The following PDE9A variants were observed in gnomAD, a reference collection of about 807,000 sequenced individuals.
PDE9A encodes high affinity cGMP-specific 3',5'-cyclic phosphodiesterase 9A.
PDE9A carries 60 observed loss-of-function variants against 87.4 expected under a neutral mutation model. That is an observed-to-expected ratio of 0.69 (90% CI 0.56 to 0.85). PDE9A has a LOEUF of 0.85. Among genes scored for constraint, PDE9A ranks in the 40% least tolerant of loss-of-function variants. The probability of loss-of-function intolerance (pLI) is 0.00; values close to 1 mark genes in which losing one functional copy is unlikely to be tolerated. For missense variants in PDE9A, 665 were observed against 779.0 expected, an observed-to-expected ratio of 0.85 and a Z score of 1.74; for synonymous variants, 272 against 279.4, an observed-to-expected ratio of 0.97 and a Z score of 0.27.
chr21:42,761,308 C>T (rs966975270), intron 13 of PDE9A, among the ~76,000 whole-genome samples: 3 of 152,232 alleles, frequency 2.0e-5, no homozygotes, highest in African/African-American at 4.8e-5. Context: ...AGCTGGCTTC[C>T]GCAGGGAAAG....
At chr21:42,754,965 C>T (rs897839177) in intron 10 of PDE9A, among the ~76,000 whole-genome samples, 5 of 151,820 alleles carry the variant, frequency 3.3e-5, no homozygotes, top group South Asian at 2.1e-4. Flanking sequence ...AAGACCTCGT[C>T]GCTACAAAAA....
At chr21:42,769,557 GGCA>G (rs2056783773) in intron 17 of PDE9A, among the ~76,000 whole-genome samples, 22 of 78,604 alleles carry the variant, frequency 2.8e-4, no homozygotes, top group Admixed American at 2.2e-3. Context: ...TGCACACACA[GGCA>G]CACACACACA....
chr21:42,685,743 C>G (rs143413453), intron 1 of PDE9A, among the ~76,000 whole-genome samples: 2 of 152,316 alleles, frequency 1.3e-5, no homozygotes, highest in East Asian at 3.9e-4. Flanking sequence ...GCTGGGATTA[C>G]AGGCGTGAGC....
intron 8 of PDE9A, among the ~76,000 whole-genome samples, chr21:42,747,024 C>T (rs768106295): frequency 1.1e-4 from 16 of 152,150 alleles, no homozygotes; most frequent in Non-Finnish European, 2.2e-4. Context: ...CAAGCGTTGT[C>T]GACACATTGA....
intron 7 of PDE9A, among the ~76,000 whole-genome samples, chr21:42,743,447 G>A (rs2053516478): frequency 6.6e-6 from 1 of 152,230 alleles, no homozygotes; most frequent in Non-Finnish European, 1.5e-5. Context: ...CTGGTGCTTA[G>A]GGGTATGGAG....
intron 1 of PDE9A, among the ~76,000 whole-genome samples, chr21:42,672,056 A>G (rs1454664084): frequency 6.6e-6 from 1 of 152,266 alleles, no homozygotes; most frequent in Non-Finnish European, 1.5e-5. Flanking sequence ...AATGATTCAC[A>G]GTCTAGGATA....
intron 1 of PDE9A, among the ~76,000 whole-genome samples, chr21:42,658,878 G>A (rs2057286020): frequency 6.6e-6 from 1 of 152,236 alleles, no homozygotes; most frequent in Admixed American, 6.5e-5. Flanking sequence ...GGGGTTTCCA[G>A]TGTATGAATG....
At position 42,759,529 on chromosome 21, in the gene PDE9A, CGTGT is replaced by C. The variant is rs147103168; in HGVS notation, c.897+454_897+457del. On this transcript the variant is annotated intron_variant, in intron 11 of 19. Coordinates refer to ENST00000291539, the MANE Select transcript of PDE9A (RefSeq NM_002606.3). This position sits in a 1 kb window ranked among gnomAD's most constrained non-coding sequence, Gnocchi z 7.2. Reference sequence around the variant, plus strand: ...GTGTGTGGATGTAAATGTGTGGGAGCGTGTGTGTGTGTGAGTGTGGGGTGTGGGT... The same window carrying C: ...GTGTGTGGATGTAAATGTGTGGGAGCGTGTGTGTGAGTGTGGGGTGTGGGT... 3.2e-3 allele frequency among the ~76,000 whole-genome samples: 434 copies of C among 134,138 alleles called. 12 individuals carry two copies. In the East Asian group the frequency reaches 0.086, roughly 27 times the overall value. The allele number at this position is 134,138 out of a possible 152,430, so 88.0% of individuals were successfully genotyped here.
chr21:42,733,640 G>A, intron 7 of PDE9A: 1 of 564,410 alleles, frequency 1.8e-6, no homozygotes, highest in South Asian at 2.3e-5. Flanking sequence ...CACAGCTCAT[G>A]GTATAAAGCA....
chr21:42,712,068 CA>C (rs60923158), intron 4 of PDE9A, among the ~76,000 whole-genome samples: 10,159 of 147,012 alleles, frequency 0.069, 999 homozygotes, highest in African/African-American at 0.22. Flanking sequence ...TTGTCAATTT[CA>C]AAAAAAAAAG....
chr21:42,774,763 T>C (rs1456169849), intron 19 of PDE9A, among the ~76,000 whole-genome samples: 1 of 149,128 alleles, frequency 6.7e-6, no homozygotes, highest in Non-Finnish European at 1.5e-5. Context: ...GCACCTGTAA[T>C]CCCAGCTACT....
At position 42,732,124 on chromosome 21, in the gene PDE9A, G is replaced by A; in HGVS notation, c.497G>A (p.Arg166Lys). 6.2e-7 allele frequency: 1 copy of A among 1,613,708 alleles called. No homozygotes were observed. Among genetic ancestry groups the A allele is most frequent in the Non-Finnish European group, 8.5e-7 (1 of 1,179,628 alleles). Residue 166 changes from arginine (R) to lysine (K), a missense_variant and splice_region_variant, in exon 6 of 20, where the codon AGA becomes AAA. Physicochemically the swap from Arg to Lys is conservative, Grantham distance 26. Transcript: ENST00000291539. ...VLAQVAEQFS[R>K]AFKINELKAE... is the part of the protein sequence containing the mutation. Reference sequence around the variant, plus strand: ...GCGCAGGTTGCAGAGCAGTTCTCAAGGTACAGAGTCTTCTAAACTTACAAC... The same window carrying A: ...GCGCAGGTTGCAGAGCAGTTCTCAAAGTACAGAGTCTTCTAAACTTACAAC...
At chr21:42,743,719 G>A (rs2053548573) in intron 7 of PDE9A, 57 bp from the exon 8 acceptor site, 3 of 1,132,668 alleles carry the variant, frequency 2.6e-6, no homozygotes, top group Admixed American at 4.0e-5. Flanking sequence ...CCAGCCTTGA[G>A]AGATCCTCCA....
intron 4 of PDE9A, among the ~76,000 whole-genome samples, chr21:42,715,188 C>CTTTTTTTTTTTT (rs369972172): frequency 9.6e-6 from 1 of 104,684 alleles, no homozygotes; most frequent in African/African-American, 4.1e-5. Flanking sequence ...TGCATCTTTA[C>CTTTTTTTTTTTT]TTTTTTTTTT....
At position 42,759,180 on chromosome 21, in the gene PDE9A, A is replaced by G. The variant is rs1310140744; in HGVS notation, c.897+95A>G. The stretch of plus-strand genomic sequence containing the variant: ...AATGGATCACCAGGGCACCTTCCGG[A>G]TGGCACTGCGCTCCCTGTGAGCAGA... On this transcript the variant is annotated intron_variant, in intron 11 of 19. Coordinates refer to ENST00000291539, the MANE Select transcript of PDE9A (RefSeq NM_002606.3). The surrounding 1 kb of genome is among the most constrained non-coding windows in gnomAD (Gnocchi z 7.2). The G allele has an allele frequency of 4.7e-6, 4 of 843,860 alleles. No individual in the cohort carries two copies. Among genetic ancestry groups the G allele is most frequent in the Non-Finnish European group, 8.0e-6 (4 of 501,764 alleles). 52.3% of individuals were successfully genotyped at this position (843,860 alleles called of 1,614,324 possible). A position where few individuals can be genotyped will look rare whatever the true frequency, so the allele number is the denominator to read the frequency against.
At chr21:42,765,321 C>A in intron 14 of PDE9A, 60 bp from the exon 15 acceptor site, 1 of 939,836 alleles carries the variant, frequency 1.1e-6, no homozygotes, top group Non-Finnish European at 1.7e-6. Context: ...CACAGTAGGC[C>A]TCCGCTGAAT....
intron 8 of PDE9A, among the ~76,000 whole-genome samples, chr21:42,750,137 C>G (rs2054268799): frequency 6.6e-6 from 1 of 151,802 alleles, no homozygotes; most frequent in Non-Finnish European, 1.5e-5. Context: ...GACTCTGTCT[C>G]AAAAATAAAT....
chr21:42,711,457 T>G (rs2049337122), intron 4 of PDE9A, among the ~76,000 whole-genome samples: 1 of 152,036 alleles, frequency 6.6e-6, no homozygotes, highest in African/African-American at 2.4e-5. Flanking sequence ...TTCACCATGT[T>G]GGCCAGGCTG....
intron 19 of PDE9A, among the ~76,000 whole-genome samples, chr21:42,773,598 G>A (rs1289653797): frequency 3.3e-5 from 5 of 152,008 alleles, no homozygotes; most frequent in South Asian, 2.1e-4. Flanking sequence ...CGAGGAGATC[G>A]AGACCATCCT....
Sources: gnomAD v4.1 joint callset for allele counts (sites outside exome capture counted in the v4.1 genomes callset) on GRCh38, gnomAD v4.1.1 for gene constraint, Gnocchi (gnomAD v3.1) non-coding constraint, MANE v1.5 for transcripts, NCBI Gene and HGNC (gene_info 2026-07-23, HGNC 2026-07-21) for gene names.